Variants in LDLRAD4 observed in about 807,000 individuals in gnomAD.
The protein encoded by LDLRAD4 is low density lipoprotein receptor class A domain containing 4, also known as low-density lipoprotein receptor class A domain-containing protein 4.
LDLRAD4 carries 5 observed loss-of-function variants against 17.0 expected under a neutral mutation model. The observed-to-expected ratio is 0.29, with a 90% CI of 0.15 to 0.62. The LOEUF (loss-of-function observed/expected upper bound fraction) is 0.62. Ranked by LOEUF, LDLRAD4 falls within the 20% of genes least tolerant of loss-of-function variation. The pLI is 0.84. For missense variants in LDLRAD4, 340 were observed against 424.7 expected, an observed-to-expected ratio of 0.80 and a Z score of 1.75; for synonymous variants, 168 against 171.8, an observed-to-expected ratio of 0.98 and a Z score of 0.17.
intron 1 of LDLRAD4, among the ~76,000 whole-genome samples, chr18:13,226,443 G>A (rs921731682): frequency 6.6e-6 from 1 of 151,840 alleles, no homozygotes; most frequent in Non-Finnish European, 1.5e-5. Context: ...AGGCAACTTA[G>A]ATTCCCACAG....
intron 1 of LDLRAD4, among the ~76,000 whole-genome samples, chr18:13,353,528 G>A (rs182187108): frequency 5.2e-4 from 79 of 152,324 alleles, no homozygotes; most frequent in Non-Finnish European, 1.6e-4. Flanking sequence ...CTGTGGGTCT[G>A]TTTTCTTAGA....
At chr18:13,481,930 A>C (rs561505467) in intron 3 of LDLRAD4, among the ~76,000 whole-genome samples, 1 of 152,268 alleles carries the variant, frequency 6.6e-6, no homozygotes, top group East Asian at 1.9e-4. Context: ...CTCACAGGGC[A>C]GGAGGGCAGA....
At chr18:13,224,473 TC>T (rs2041643081) in intron 1 of LDLRAD4, among the ~76,000 whole-genome samples, 1 of 87,798 alleles carries the variant, frequency 1.1e-5, no homozygotes, top group Non-Finnish European at 2.3e-5. Context: ...TTTCTTTCTT[TC>T]TTTTTTTTTT....
chr18:13,228,853 A>G (rs1179409485), intron 1 of LDLRAD4, among the ~76,000 whole-genome samples: 3 of 152,214 alleles, frequency 2.0e-5, no homozygotes, highest in East Asian at 1.9e-4. Flanking sequence ...GTGTATGTAC[A>G]GTTACAACTA....
intron 3 of LDLRAD4, among the ~76,000 whole-genome samples, chr18:13,550,706 GA>G (rs1343091596): frequency 6.6e-6 from 1 of 152,228 alleles, no homozygotes; most frequent in Non-Finnish European, 1.5e-5. Flanking sequence ...AGGAAGATGA[GA>G]GGGGCCTGGC....
intron 1 of LDLRAD4, among the ~76,000 whole-genome samples, chr18:13,301,644 C>T (rs1257279331): frequency 6.6e-6 from 1 of 152,072 alleles, no homozygotes; most frequent in Non-Finnish European, 1.5e-5. Flanking sequence ...CTGTCATGCT[C>T]ATGCACTCTT....
chr18:13,646,020 T>G, exon 6 of LDLRAD4: 1 of 180,066 alleles, frequency 5.6e-6, no homozygotes. Flanking sequence ...GAGGCCAGAA[T>G]GGCATGTTTT....
intron 3 of LDLRAD4, among the ~76,000 whole-genome samples, chr18:13,457,549 A>G (rs888831330): frequency 6.6e-6 from 1 of 152,192 alleles, no homozygotes. Flanking sequence ...CTGGCAGCTG[A>G]AAGGCGGACA....
chr18:13,388,385 A>C (rs989473591), intron 2 of LDLRAD4, among the ~76,000 whole-genome samples: 1 of 152,176 alleles, frequency 6.6e-6, no homozygotes, highest in East Asian at 1.9e-4. Flanking sequence ...GATTCATGTA[A>C]CATTCCAGGA....
At chr18:13,626,721 C>T (rs1025433058) in intron 4 of LDLRAD4, among the ~76,000 whole-genome samples, 1 of 152,244 alleles carries the variant, frequency 6.6e-6, no homozygotes, top group Non-Finnish European at 1.5e-5. Flanking sequence ...CCAGGCCCCA[C>T]CCAGCACAGC....
intron 4 of LDLRAD4, among the ~76,000 whole-genome samples, chr18:13,626,121 G>A (rs1415199676): frequency 6.6e-6 from 1 of 152,086 alleles, no homozygotes; most frequent in East Asian, 1.9e-4. Flanking sequence ...CACAGACAAA[G>A]CAAATGCTTA....
intron 3 of LDLRAD4, among the ~76,000 whole-genome samples, chr18:13,534,500 A>G (rs1023862817): frequency 6.6e-6 from 1 of 152,234 alleles, no homozygotes; most frequent in East Asian, 1.9e-4. Context: ...GCTTTAAGAA[A>G]GAGGACGAAA....
intron 1 of LDLRAD4, among the ~76,000 whole-genome samples, chr18:13,382,236 C>A (rs141639520): frequency 1.3e-5 from 2 of 152,222 alleles, no homozygotes; most frequent in Non-Finnish European, 2.9e-5. Context: ...CTCCGTGCCC[C>A]TGTGTGACCC....
chr18:13,642,262 G>A (rs1190917776), intron 4 of LDLRAD4: 1 of 987,410 alleles, frequency 1.0e-6, no homozygotes, highest in Non-Finnish European at 1.2e-6. Context: ...GCTCAGTGAT[G>A]GCCCAGCCCG....
At chr18:13,268,624 A>G (rs1599011617) in intron 1 of LDLRAD4, among the ~76,000 whole-genome samples, 1 of 152,208 alleles carries the variant, frequency 6.6e-6, no homozygotes, top group African/African-American at 2.4e-5. Flanking sequence ...CTTAAAGGCT[A>G]AAGTAATGGG....
intron 2 of LDLRAD4, among the ~76,000 whole-genome samples, chr18:13,391,859 T>A (rs2086298199): frequency 6.6e-6 from 1 of 152,228 alleles, no homozygotes; most frequent in Non-Finnish European, 1.5e-5. Context: ...AGCATTTTTC[T>A]TATAAATACG....
At chr18:13,414,135 A>G (rs745322396) in intron 2 of LDLRAD4, among the ~76,000 whole-genome samples, 19 of 152,228 alleles carry the variant, frequency 1.2e-4, no homozygotes, top group Non-Finnish European at 2.1e-4. Context: ...TGTGCCAGGC[A>G]CAAATGAAAT....
intron 1 of LDLRAD4, among the ~76,000 whole-genome samples, chr18:13,372,544 C>A (rs1335361967): frequency 6.6e-6 from 1 of 152,170 alleles, no homozygotes; most frequent in Non-Finnish European, 1.5e-5. Context: ...TTGGTGGCAG[C>A]TGTACAGAGC....
intron 1 of LDLRAD4, among the ~76,000 whole-genome samples, chr18:13,375,014 T>C (rs973167082): frequency 1.3e-5 from 2 of 152,226 alleles, no homozygotes; most frequent in African/African-American, 4.8e-5. Flanking sequence ...GCGGGAACAC[T>C]GGGCATGGTG....
Sources: gnomAD v4.1 joint callset for allele counts (sites outside exome capture counted in the v4.1 genomes callset) on GRCh38, gnomAD v4.1.1 for gene constraint, MANE v1.5 for transcripts, NCBI Gene and HGNC (gene_info 2026-07-23, HGNC 2026-07-21) for gene names.